The following EIF5A2 variants were observed in gnomAD, a reference collection of about 807,000 sequenced individuals.
The protein encoded by EIF5A2 is eukaryotic translation initiation factor 5A2.
In EIF5A2, 15 loss-of-function variants were observed where a neutral mutation model predicts 16.4. The observed-to-expected ratio is 0.92, with a 90% CI of 0.61 to 1.41. The LOEUF (loss-of-function observed/expected upper bound fraction) is 1.41. Among genes scored for constraint, EIF5A2 ranks in the 40% most tolerant of loss-of-function variants. The pLI, the probability that EIF5A2 is intolerant of heterozygous loss-of-function variation, is 0.00. For missense variants in EIF5A2, 144 were observed against 189.5 expected, an observed-to-expected ratio of 0.76 and a Z score of 1.41; for synonymous variants, 48 against 61.1, an observed-to-expected ratio of 0.79 and a Z score of 1.00.
At position 170,888,557 on chromosome 3, in the gene EIF5A2, T is replaced by C. The variant is rs911244749; in HGVS notation, c.*4803A>G. On this transcript the variant is annotated 3_prime_UTR_variant, in exon 5 of 5. Coordinates refer to ENST00000295822, the MANE Select transcript of EIF5A2 (RefSeq NM_020390.6). Reference sequence around the variant, plus strand: ...TTAAGTCAAAGACTTAACATTTGAATTTTAACTATTTTTGAAATGTAAAAT... The same window carrying C: ...TTAAGTCAAAGACTTAACATTTGAACTTTAACTATTTTTGAAATGTAAAAT... 19 of 152,606 alleles carry C rather than the reference T, an allele frequency of 1.2e-4. No individual in the cohort carries two copies. Among genetic ancestry groups the C allele is most frequent in the Admixed American group, 6.5e-5 (1 of 15,270 alleles). 9.5% of individuals were successfully genotyped at this position (152,606 alleles called of 1,614,324 possible).
In EIF5A2 at chr3:170,891,832, T is replaced by C. The variant is rs529495681; in HGVS notation, c.*1528A>G. ...TATACATATGACTCAAAAGATGAAA[T>C]AGAAATGCAGTGGTGTCACCTAAAA... On this transcript the variant is annotated 3_prime_UTR_variant, in exon 5 of 5. Transcript: ENST00000295822. The C allele has an allele frequency of 2.0e-5, 3 of 152,630 alleles. No homozygotes were observed. Among genetic ancestry groups the C allele is most frequent in the Non-Finnish European group, 1.5e-5 (1 of 67,984 alleles). The allele number at this position is 152,630 out of a possible 1,614,324, so 9.5% of individuals were successfully genotyped here. A position where few individuals can be genotyped will look rare whatever the true frequency, so the allele number is the denominator to read the frequency against.
At chr3:170,907,207 A>C in intron 2 of EIF5A2, 114 bp from the exon 3 acceptor site, 1 of 622,592 alleles carries the variant, frequency 1.6e-6, no homozygotes, top group South Asian at 3.2e-5. Context: ...TCCTCCTTCC[A>C]AGGTCATCTA....
intron 3 of EIF5A2, among the ~76,000 whole-genome samples, chr3:170,904,820 GTTGTA>G (rs1712896131): frequency 6.6e-6 from 1 of 152,192 alleles, no homozygotes; most frequent in Admixed American, 6.5e-5. Context: ...GCCAGGCGTT[GTTGTA>G]TTAACTAATT....
intron 3 of EIF5A2, among the ~76,000 whole-genome samples, chr3:170,900,254 C>A (rs1049986965): frequency 7.9e-5 from 12 of 150,974 alleles, no homozygotes; most frequent in African/African-American, 2.9e-4. Context: ...GGAGTCCCAG[C>A]TACTTGGGAG....
In EIF5A2 at chr3:170,888,663, C is replaced by G. The variant is rs1432541275; in HGVS notation, c.*4697G>C. The G allele has an allele frequency of 6.6e-6, 1 of 152,138 alleles. No individual in the cohort carries two copies. The highest frequency in any genetic ancestry group is 1.5e-5 in the Non-Finnish European group (1 of 67,932). 9.4% of individuals were successfully genotyped at this position (152,138 alleles called of 1,614,324 possible). ...ACATTTGAGTTTCTGCAGGTAAAAG[C>G]AATAGTTCTCCTGTATCTAAGAAAA... On this transcript the variant is annotated 3_prime_UTR_variant, in exon 5 of 5. Transcript: ENST00000295822.
chr3:170,894,368 C>T lies in EIF5A2; in HGVS notation c.326G>A (p.Arg109His), dbSNP rs1464170994. 15 of 1,613,852 alleles carry T rather than the reference C, an allele frequency of 9.3e-6. No homozygotes were observed. The highest frequency in any genetic ancestry group is 1.3e-5 in the African/African-American group (1 of 74,896). Residue 109 changes from arginine (R) to histidine (H), a missense_variant, in exon 4 of 5, where the codon CGT (arginine) becomes CAT (histidine). By Grantham distance (29) the Arg-to-His change is conservative (BLOSUM62 0). Transcript: ENST00000295822. ...LSLLTETGEV[R>H]EDLKLPEGEL... ...ACCTTCTGGCAGTTTAAGATCCTCA[C>T]GAACTTCACCAGTTTCTGTCAGCAG...
Position 170,893,000 on chromosome 3 carries a change from C to T in EIF5A2, c.*360G>A, listed in dbSNP as rs1219070233. ...TCAACTTAAATATGGTACTTCAATA[C>T]CACTTTATGCTACATTGTTTGATTT... On this transcript the variant is annotated 3_prime_UTR_variant, in exon 5 of 5. Transcript: ENST00000295822. 1 of 405,502 alleles carries T rather than the reference C, an allele frequency of 2.5e-6. No homozygotes were observed. The allele number at this position is 405,502 out of a possible 1,614,324, so 25.1% of individuals were successfully genotyped here.
chr3:170,897,012 T>G (rs1712691839), intron 3 of EIF5A2, among the ~76,000 whole-genome samples: 1 of 152,206 alleles, frequency 6.6e-6, no homozygotes, highest in Non-Finnish European at 1.5e-5. Context: ...CTGGCAGCAT[T>G]TTGCCCTGCC....
intron 3 of EIF5A2, among the ~76,000 whole-genome samples, chr3:170,903,042 G>A (rs1182967255): frequency 6.6e-6 from 1 of 152,156 alleles, no homozygotes; most frequent in Non-Finnish European, 1.5e-5. Context: ...GGCAGAAGAA[G>A]AACACAGAAC....
chr3:170,901,876 ACTTC>A (rs1178010223), intron 3 of EIF5A2, among the ~76,000 whole-genome samples: 2 of 152,216 alleles, frequency 1.3e-5, no homozygotes, highest in African/African-American at 4.8e-5. Flanking sequence ...CTCTTGTGCT[ACTTC>A]CTTAGAGTTG....
rs1576784768 is a variant in EIF5A2, at chr3:170,890,755, T to A, written c.*2605A>T. ...GTAACTCGTGATTTTTAACATTTGC[T>A]ACAAAAAAGTACAACAAATATTGGG... On this transcript the variant is annotated 3_prime_UTR_variant, in exon 5 of 5. Transcript: ENST00000295822. The A allele has an allele frequency of 6.6e-6, 1 of 152,560 alleles. No homozygotes were observed. The highest frequency in any genetic ancestry group is 1.5e-5 in the Non-Finnish European group (1 of 67,972). 9.5% of individuals were successfully genotyped at this position (152,560 alleles called of 1,614,324 possible).
At chr3:170,908,372 G>C (rs1260583396) in intron 1 of EIF5A2, among the ~76,000 whole-genome samples, 171 bp downstream of exon 1, 1 of 152,064 alleles carries the variant, frequency 6.6e-6, no homozygotes, top group Non-Finnish European at 1.5e-5. Flanking sequence ...GGCCCGGCCC[G>C]GCCCCACTAG....
chr3:170,906,944 C>T lies in EIF5A2; in HGVS notation c.270+45G>A, dbSNP rs771719402. The stretch of plus-strand genomic sequence containing the variant: ...TATTACTGATAGTACAAAGTATTTG[C>T]ACCTTGAAGAAACAAGCAACATTCT... On this transcript the variant is annotated intron_variant, in intron 3 of 4. Coordinates refer to ENST00000295822, the MANE Select transcript of EIF5A2 (RefSeq NM_020390.6). 18 of 1,341,452 alleles carry T rather than the reference C, an allele frequency of 1.3e-5. No individual in the cohort carries two copies. In the East Asian group the frequency reaches 3.3e-4, roughly 24 times the overall value. The allele number at this position is 1,341,452 out of a possible 1,614,324, so 83.1% of individuals were successfully genotyped here.
intron 3 of EIF5A2, among the ~76,000 whole-genome samples, chr3:170,899,395 G>A (rs904242701): frequency 7.4e-6 from 1 of 135,768 alleles, no homozygotes; most frequent in African/African-American, 2.5e-5. Context: ...TATGCCTGTT[G>A]GGATTTTTTT....
At position 170,893,208 on chromosome 3, in the gene EIF5A2, A is replaced by C. The variant is rs1031120742; in HGVS notation, c.*152T>G. ...ATTGATAATTTTTTAAAAATTATCA[A>C]TTGCTTGCAAAACTAACCCAGCACA... On this transcript the variant is annotated 3_prime_UTR_variant, in exon 5 of 5. Coordinates refer to ENST00000295822, the MANE Select transcript of EIF5A2 (RefSeq NM_020390.6). 1.0e-5 allele frequency: 6 copies of C among 581,382 alleles called. No individual in the cohort carries two copies. The allele number at this position is 581,382 out of a possible 1,614,324, so 36.0% of individuals were successfully genotyped here.
intron 3 of EIF5A2, among the ~76,000 whole-genome samples, chr3:170,902,528 C>G (rs1368958025): frequency 6.7e-6 from 1 of 149,830 alleles, no homozygotes; most frequent in Non-Finnish European, 1.5e-5. Flanking sequence ...CTCAGCCTCC[C>G]AAGTAGCTGG....
intron 4 of EIF5A2, 73 bp from the exon 5 acceptor site, chr3:170,893,492 T>C (rs1712584801): frequency 4.0e-6 from 6 of 1,496,230 alleles, no homozygotes; most frequent in Non-Finnish European, 4.6e-6. Context: ...GTTCCTCATA[T>C]ATTGTATATT....
intron 4 of EIF5A2, 44 bp downstream of exon 4, chr3:170,894,248 T>G: frequency 1.3e-6 from 2 of 1,597,456 alleles, no homozygotes; most frequent in Non-Finnish European, 8.5e-7. Context: ...GGTCAAAGTT[T>G]TTATAAAATG....
chr3:170,890,356 T>A lies in EIF5A2; in HGVS notation c.*3004A>T, dbSNP rs189563326. ...CTAATCATTTTATTGCAGTATCTCCTATTATAGATATCATGCTCTGATGCA... is the reference window on the plus strand; with the variant it reads ...CTAATCATTTTATTGCAGTATCTCCAATTATAGATATCATGCTCTGATGCA... On this transcript the variant is annotated 3_prime_UTR_variant, in exon 5 of 5. Coordinates refer to ENST00000295822, the MANE Select transcript of EIF5A2 (RefSeq NM_020390.6). 1.2e-3 allele frequency: 187 copies of A among 152,270 alleles called. No individual in the cohort carries two copies. The highest frequency in any genetic ancestry group is 4.4e-3 in the African/African-American group (182 of 41,582). 9.4% of individuals were successfully genotyped at this position (152,270 alleles called of 1,614,324 possible).
Sources: allele counts gnomAD v4.1 joint callset (sites outside exome capture counted in the v4.1 genomes callset), GRCh38; gene constraint gnomAD v4.1.1; transcripts MANE v1.5; gene names NCBI Gene and HGNC (gene_info 2026-07-23, HGNC 2026-07-21).